The following AMN1 variants were observed in gnomAD, a reference collection of about 807,000 sequenced individuals.
AMN1 encodes antagonist of mitotic exit network 1 homolog.
A neutral mutation model predicts 33.0 loss-of-function variants in AMN1; 20 were observed. That is an observed-to-expected ratio of 0.61 (90% CI 0.43 to 0.88). The LOEUF is 0.88. AMN1 is among the 40% of genes least tolerant of loss of function. The pLI, the probability that AMN1 is intolerant of heterozygous loss-of-function variation, is 0.00. For synonymous variants in AMN1, 114 were observed against 111.9 expected (o/e 1.02, Z -0.12); for missense variants, 246 against 307.4 (o/e 0.80, Z 1.49).
intron 5 of AMN1, among the ~76,000 whole-genome samples, chr12:31,689,917 CT>C (rs2139674172): frequency 1.3e-5 from 2 of 152,284 alleles, no homozygotes; most frequent in East Asian, 3.9e-4. Context: ...CCTTCCCACC[CT>C]TTCCCCCTGA....
At chr12:31,689,212 C>A (rs867297701) in intron 5 of AMN1, 94 bp from the exon 6 acceptor site, 170 of 833,852 alleles carry the variant, frequency 2.0e-4, no homozygotes, top group Middle Eastern at 1.9e-3. Context: ...ACAAAAAGAA[C>A]CAGATATCTA....
chr12:31,699,157 G>A (rs1056058025), intron 3 of AMN1, among the ~76,000 whole-genome samples: 19 of 152,016 alleles, frequency 1.2e-4, no homozygotes, highest in East Asian at 3.9e-4. Flanking sequence ...TTGGGAGGCC[G>A]AGGCGGGCAG....
chr12:31,685,229 A>G (rs1938205404), intron 6 of AMN1, among the ~76,000 whole-genome samples: 1 of 151,824 alleles, frequency 6.6e-6, no homozygotes, highest in African/African-American at 2.4e-5. Flanking sequence ...GGGTTTCACC[A>G]TGTTGGCCAG....
At chr12:31,724,082 G>A (rs1939973607) in intron 1 of AMN1, among the ~76,000 whole-genome samples, 1 of 152,090 alleles carries the variant, frequency 6.6e-6, no homozygotes, top group Admixed American at 6.5e-5. Flanking sequence ...ACTCCCTGTG[G>A]ACACCTGAAA....
intron 1 of AMN1, among the ~76,000 whole-genome samples, chr12:31,716,397 T>C (rs77902430): frequency 6.9e-4 from 105 of 152,288 alleles, no homozygotes; most frequent in African/African-American, 1.8e-3. Context: ...TGCTGGCTCA[T>C]AGGGTAGGCA....
At chr12:31,716,633 A>G (rs756802833) in intron 1 of AMN1, among the ~76,000 whole-genome samples, 59 of 152,174 alleles carry the variant, frequency 3.9e-4, no homozygotes, top group Non-Finnish European at 7.1e-4. Context: ...CTGGTTGGAT[A>G]TCCTCTTTTG....
At chr12:31,680,286 C>T (rs576936558) in intron 6 of AMN1, among the ~76,000 whole-genome samples, 96 of 151,614 alleles carry the variant, frequency 6.3e-4, no homozygotes, top group African/African-American at 2.1e-3. Flanking sequence ...CTGCAACCTC[C>T]GCCTCCCGGG....
At chr12:31,694,352 GA>G (rs1938629628) in intron 5 of AMN1, among the ~76,000 whole-genome samples, 2 of 149,012 alleles carry the variant, frequency 1.3e-5, no homozygotes, top group Non-Finnish European at 3.0e-5. Flanking sequence ...TGAGGCAGAA[GA>G]ATTGCTTGTA....
At chr12:31,674,984 T>C (rs1454145773) in intron 6 of AMN1, among the ~76,000 whole-genome samples, 1 of 150,012 alleles carries the variant, frequency 6.7e-6, no homozygotes, top group Non-Finnish European at 1.5e-5. Flanking sequence ...ATGGTGCCAC[T>C]GTACTCCAGC....
At chr12:31,720,197 C>G (rs1939830158) in intron 1 of AMN1, among the ~76,000 whole-genome samples, 1 of 152,234 alleles carries the variant, frequency 6.6e-6, no homozygotes. Flanking sequence ...CCACCTGTAT[C>G]TAGTTCTAAA....
Position 31,689,029 on chromosome 12 carries a change from G to C in AMN1, c.681C>G (p.Phe227Leu), listed in dbSNP as rs777942896. Residue 227 changes from phenylalanine (F) to leucine (L), a missense_variant, in exon 6 of 7, where the codon TTC becomes TTG. Transcript: ENST00000281471. ...TYCPQIRILLFHGCPLITDHS... is the reference protein window; with the variant it reads ...TYCPQIRILLLHGCPLITDHS... ...AACCTGTTATCAAGGGGCATCCATGGAAGAGTAATATACGTATTTGAGGAC... is the reference window on the plus strand; with the variant it reads ...AACCTGTTATCAAGGGGCATCCATGCAAGAGTAATATACGTATTTGAGGAC... 6.2e-7 allele frequency: 1 copy of C among 1,612,704 alleles called. No individual in the cohort carries two copies. Among genetic ancestry groups the C allele is most frequent in the African/African-American group, 1.3e-5 (1 of 74,976 alleles).
At position 31,683,205 on chromosome 12, in the gene AMN1, T is replaced by G. The variant is rs1206740849; in HGVS notation, c.703+5802A>C. Among the ~76,000 whole-genome samples the G allele has an allele frequency of 2.0e-5, 3 of 152,176 alleles. No individual in the cohort carries two copies. The highest frequency in any genetic ancestry group is 7.2e-5 in the African/African-American group (3 of 41,452). Reference sequence around the variant, plus strand: ...CTCAAACTCCTAATCTCAAGTGATCTGCCTGCCTTGGCCTCCCAAAGTGCA... The same window carrying G: ...CTCAAACTCCTAATCTCAAGTGATCGGCCTGCCTTGGCCTCCCAAAGTGCA... On this transcript the variant is annotated intron_variant, in intron 6 of 6. Transcript: ENST00000281471. The surrounding 1 kb of genome is among the most constrained non-coding windows in gnomAD (Gnocchi z 4.1).
chr12:31,686,362 T>C (rs894079225), intron 6 of AMN1, among the ~76,000 whole-genome samples: 1 of 152,078 alleles, frequency 6.6e-6, no homozygotes, highest in Non-Finnish European at 1.5e-5. Flanking sequence ...GGAGAAGCAC[T>C]TGAACCCAGG....
At chr12:31,674,869 A>T (rs1400965132) in intron 6 of AMN1, among the ~76,000 whole-genome samples, 2 of 151,764 alleles carry the variant, frequency 1.3e-5, no homozygotes, top group Non-Finnish European at 2.9e-5. Flanking sequence ...TACAAAAAAA[A>T]AAATTAGCCA....
chr12:31,711,368 A>G (rs1939459967), intron 1 of AMN1, among the ~76,000 whole-genome samples: 1 of 152,020 alleles, frequency 6.6e-6, no homozygotes, highest in South Asian at 2.1e-4. Flanking sequence ...GGGACTTGTC[A>G]TAGATTTGTT....
chr12:31,709,536 TG>T, intron 1 of AMN1, 111 bp from the exon 2 acceptor site: 1 of 1,353,798 alleles, frequency 7.4e-7, no homozygotes. Flanking sequence ...GTGTACATTT[TG>T]GCTGGGTGTG....
chr12:31,701,187 C>A (rs1938983276), intron 3 of AMN1, among the ~76,000 whole-genome samples: 1 of 151,158 alleles, frequency 6.6e-6, no homozygotes, highest in Non-Finnish European at 1.5e-5. Flanking sequence ...TTAGTAGAGA[C>A]AGGGTTTCTC....
Position 31,717,593 on chromosome 12 carries a change from G to A in AMN1, c.39-8168C>T, listed in dbSNP as rs78347645. The stretch of plus-strand genomic sequence containing the variant: ...ACTTGTTTTAATTCAAGACTCTTCT[G>A]TGGTGCCTTCTAATCTGTCTACAGA... On this transcript the variant is annotated intron_variant, in intron 1 of 6. Transcript: ENST00000281471. Among the ~76,000 whole-genome samples the A allele has an allele frequency of 8.6e-3, 1,302 of 152,270 alleles. 18 individuals carry two copies. Among genetic ancestry groups the A allele is most frequent in the African/African-American group, 0.029 (1,202 of 41,536 alleles).
intron 2 of AMN1, among the ~76,000 whole-genome samples, chr12:31,705,913 T>C (rs1034822672): frequency 6.6e-6 from 1 of 152,132 alleles, no homozygotes; most frequent in African/African-American, 2.4e-5. Flanking sequence ...CCAAGTTCCA[T>C]TCTATAAAAT....
Sources: gnomAD v4.1 joint callset for allele counts (sites outside exome capture counted in the v4.1 genomes callset) on GRCh38, gnomAD v4.1.1 for gene constraint, Gnocchi (gnomAD v3.1) non-coding constraint, MANE v1.5 for transcripts, NCBI Gene and HGNC (gene_info 2026-07-23, HGNC 2026-07-21) for gene names.